ATXN8OS: variants seen among roughly 807,000 people sequenced by gnomAD.
The protein encoded by ATXN8OS is ATXN8 opposite strand lncRNA.
Position 70,152,763 on chromosome 13 carries a change from C to T in ATXN8OS, n.573+5335C>T, listed in dbSNP as rs17086511. ...CATCTCCAGAAGTGATTATTTATCACTGAGTAGTCAAAAAGATTAAGAAGT... is the reference window on the plus strand; with the variant it reads ...CATCTCCAGAAGTGATTATTTATCATTGAGTAGTCAAAAAGATTAAGAAGT... On this transcript the variant is annotated intron_variant and non_coding_transcript_variant, in intron 4 of 4. Coordinates refer to ENST00000678624, the Ensembl canonical transcript of ATXN8OS. Among the ~76,000 whole-genome samples the T allele has an allele frequency of 2.3e-3, 357 of 152,158 alleles. 2 individuals carry two copies. Among genetic ancestry groups the T allele is most frequent in the African/African-American group, 7.8e-3 (323 of 41,512 alleles).
chr13:70,122,390 C>A (rs1417557373), intron 2 of ATXN8OS, among the ~76,000 whole-genome samples: 1 of 151,940 alleles, frequency 6.6e-6, no homozygotes, highest in Non-Finnish European at 1.5e-5. Context: ...TACGATTTAA[C>A]TTGAGAGTTA....
rs1888942431 is a variant in ATXN8OS, at chr13:70,156,739, C to G, written n.573+9311C>G. 6.6e-5 allele frequency among the ~76,000 whole-genome samples: 10 copies of G among 152,168 alleles called. No homozygotes were observed. In the South Asian group the frequency reaches 2.1e-3, roughly 32 times the overall value. The stretch of plus-strand genomic sequence containing the variant: ...TAAACTATCCTGATAAGTGAAGCAT[C>G]ATTGAAAAAGGACATACCACACTAT... On this transcript the variant is annotated intron_variant and non_coding_transcript_variant, in intron 4 of 4. Transcript: ENST00000678624.
At chr13:70,107,689 G>A (rs144867124), upstream of ATXN8OS, 3 of 1,526,694 alleles carry the variant, frequency 2.0e-6, no homozygotes, top group Non-Finnish European at 2.6e-6. Flanking sequence ...TTTTCGCCCA[G>A]AGCCTGACAT....
chr13:70,141,806 T>C (rs1555300766), intron 3 of ATXN8OS, among the ~76,000 whole-genome samples: 2 of 152,012 alleles, frequency 1.3e-5, no homozygotes, highest in African/African-American at 2.4e-5. Context: ...ATATTAAAAA[T>C]AGAATGTTTC....
chr13:70,126,462 A>G (rs2137479383), intron 2 of ATXN8OS, among the ~76,000 whole-genome samples: 1 of 152,182 alleles, frequency 6.6e-6, no homozygotes, highest in South Asian at 2.1e-4. Flanking sequence ...AATTAGGCTA[A>G]GTTGTGCTCT....
intron 1 of ATXN8OS, among the ~76,000 whole-genome samples, chr13:70,111,921 A>G (rs1408401715): frequency 1.3e-5 from 2 of 152,206 alleles, no homozygotes; most frequent in African/African-American, 4.8e-5. Context: ...GTATTTATAT[A>G]CATTTTATTA....
chr13:70,115,493 G>A (rs937988984), intron 2 of ATXN8OS, among the ~76,000 whole-genome samples: 1 of 152,130 alleles, frequency 6.6e-6, no homozygotes, highest in Admixed American at 6.6e-5. Context: ...GTGTATTTGT[G>A]TAGATACATG....
chr13:70,137,490 C>T (rs141427835), intron 3 of ATXN8OS, among the ~76,000 whole-genome samples: 459 of 152,222 alleles, frequency 3.0e-3, no homozygotes, highest in African/African-American at 9.9e-3. Flanking sequence ...GCTAAATGGA[C>T]TTCGTTATTT....
intron 4 of ATXN8OS, among the ~76,000 whole-genome samples, chr13:70,159,198 TC>T (rs67968287): frequency 0.53 from 72,782 of 138,136 alleles, 19,703 homozygotes; most frequent in Non-Finnish European, 0.64. Context: ...TCTCTCTCTC[TC>T]ACTTTTTATT....
At chr13:70,169,337 C>T (rs1275195221) in intron 4 of ATXN8OS, among the ~76,000 whole-genome samples, 1 of 152,032 alleles carries the variant, frequency 6.6e-6, no homozygotes, top group Non-Finnish European at 1.5e-5. Context: ...TGCCATGTCA[C>T]CCAGGCTGGA....
At chr13:70,125,855 C>T (rs1050602230) in intron 2 of ATXN8OS, among the ~76,000 whole-genome samples, 1 of 152,086 alleles carries the variant, frequency 6.6e-6, no homozygotes, top group Non-Finnish European at 1.5e-5. Context: ...TTACATATAA[C>T]CGAGAATACC....
At chr13:70,156,679 G>C (rs1888941758) in intron 4 of ATXN8OS, among the ~76,000 whole-genome samples, 1 of 151,996 alleles carries the variant, frequency 6.6e-6, no homozygotes, top group South Asian at 2.1e-4. Context: ...TTCAAGCTTT[G>C]TTATAATGTT....
intron 4 of ATXN8OS, among the ~76,000 whole-genome samples, chr13:70,166,808 C>T (rs1267800814): frequency 6.6e-6 from 1 of 151,990 alleles, no homozygotes; most frequent in Non-Finnish European, 1.5e-5. Flanking sequence ...ACAATGAACT[C>T]AAACAAATTT....
intron 4 of ATXN8OS, among the ~76,000 whole-genome samples, chr13:70,159,953 T>C (rs904124029): frequency 2.6e-5 from 4 of 152,224 alleles, no homozygotes; most frequent in African/African-American, 9.6e-5. Context: ...GGGTTGTTTC[T>C]AATTTTAGTC....
intron 2 of ATXN8OS, among the ~76,000 whole-genome samples, chr13:70,124,417 G>C: frequency 6.6e-6 from 1 of 152,060 alleles, no homozygotes; most frequent in East Asian, 1.9e-4. Context: ...AGCTACATTA[G>C]ATACTATGGT....
chr13:70,151,429 C>T (rs751086794), intron 4 of ATXN8OS, among the ~76,000 whole-genome samples: 2 of 151,900 alleles, frequency 1.3e-5, no homozygotes, highest in African/African-American at 2.4e-5. Context: ...ACATAATATC[C>T]CCCAGGTTCA....
intron 1 of ATXN8OS, among the ~76,000 whole-genome samples, chr13:70,114,390 A>G (rs1013610377): frequency 1.3e-5 from 2 of 152,204 alleles, no homozygotes; most frequent in East Asian, 3.8e-4. Flanking sequence ...ACTTCACACA[A>G]TAATATACTA....
intron 1 of ATXN8OS, among the ~76,000 whole-genome samples, chr13:70,114,857 C>A (rs1462930842): frequency 6.6e-6 from 1 of 152,060 alleles, no homozygotes; most frequent in East Asian, 1.9e-4. Context: ...TTTAGATACT[C>A]CTCCATAAGC....
chr13:70,139,605 A>G (rs764350634), intron 3 of ATXN8OS, among the ~76,000 whole-genome samples: 44 of 152,210 alleles, frequency 2.9e-4, no homozygotes, highest in Admixed American at 7.9e-4. Flanking sequence ...TCTCTTGTGC[A>G]TTCTCAGTCC....
Sources: gnomAD v4.1 joint callset for allele counts (sites outside exome capture counted in the v4.1 genomes callset) on GRCh38, gnomAD v4.1.1 for gene constraint, MANE v1.5 for transcripts, NCBI Gene and HGNC (gene_info 2026-07-23, HGNC 2026-07-21) for gene names.